The following HSD17B2 variants were observed in gnomAD, a reference collection of about 807,000 sequenced individuals.
HSD17B2 encodes the protein 17-beta-hydroxysteroid dehydrogenase type 2.
HSD17B2 carries 32 observed loss-of-function variants against 26.9 expected under a neutral mutation model. The observed-to-expected ratio is 1.19, with a 90% CI of 0.90 to 1.60. The LOEUF is 1.60. Ranked by LOEUF, HSD17B2 falls within the 40% of genes most tolerant of loss-of-function variation. HSD17B2 has a pLI of 0.00. For synonymous variants in HSD17B2, 246 were observed against 186.7 expected (o/e 1.32, Z -2.59); for missense variants, 613 against 468.6 (o/e 1.31, Z -2.85).
rs1260955734 is a variant in HSD17B2 at position 82,056,843 on chromosome 16, C to T, written c.266-11327C>T. ...AACAGGTGCCTTAGAATCTTATGGA[C>T]GTAGGGTTCAAATGGCACCTCTGCT... On this transcript the variant is annotated intron_variant, in intron 1 of 4. Coordinates refer to ENST00000199936, the MANE Select transcript of HSD17B2 (RefSeq NM_002153.3). Among the ~76,000 whole-genome samples, 4 of 152,128 alleles carry T rather than the reference C, an allele frequency of 2.6e-5. No homozygotes were observed. The East Asian group carries it at 5.8e-4, about 22-fold the overall frequency.
At chr16:82,041,953 A>AT (rs1913777187) in intron 1 of HSD17B2, among the ~76,000 whole-genome samples, 1 of 151,520 alleles carries the variant, frequency 6.6e-6, no homozygotes, top group African/African-American at 2.4e-5. Context: ...TTTAAAAAAA[A>AT]TTTATCATCT....
intron 3 of HSD17B2, among the ~76,000 whole-genome samples, chr16:82,082,915 G>A (rs1036087324): frequency 6.6e-6 from 1 of 152,154 alleles, no homozygotes; most frequent in Non-Finnish European, 1.5e-5. Flanking sequence ...CTGTAAGCTA[G>A]AACTTGAACT....
chr16:82,043,490 C>T (rs1330208195), intron 1 of HSD17B2, among the ~76,000 whole-genome samples: 9 of 143,888 alleles, frequency 6.3e-5, no homozygotes, highest in Non-Finnish European at 1.5e-5. Flanking sequence ...GGAGACTATC[C>T]TGGCTAACAC....
At chr16:82,082,684 T>A (rs1597136779) in intron 3 of HSD17B2, among the ~76,000 whole-genome samples, 1 of 152,192 alleles carries the variant, frequency 6.6e-6, no homozygotes. Flanking sequence ...CCTATGACAG[T>A]TGTGACCATT....
At chr16:82,091,331 A>C in intron 4 of HSD17B2, 2 of 416,624 alleles carry the variant, frequency 4.8e-6, no homozygotes, top group Non-Finnish European at 4.5e-6. Context: ...ACAAGGGTCC[A>C]TCAGTGTCCA....
At chr16:82,049,669 AAG>A (rs1914046605) in intron 1 of HSD17B2, among the ~76,000 whole-genome samples, 1 of 152,238 alleles carries the variant, frequency 6.6e-6, no homozygotes, top group South Asian at 2.1e-4. Context: ...TCCCATAAAC[AAG>A]AGAGTCTTGG....
intron 3 of HSD17B2, among the ~76,000 whole-genome samples, chr16:82,087,921 C>T (rs1175466645): frequency 6.6e-6 from 1 of 152,110 alleles, no homozygotes; most frequent in East Asian, 1.9e-4. Flanking sequence ...TCCATTCACC[C>T]CATCCTCAAC....
At chr16:82,058,110 C>T (rs1337633274) in intron 1 of HSD17B2, among the ~76,000 whole-genome samples, 3 of 145,304 alleles carry the variant, frequency 2.1e-5, no homozygotes, top group Non-Finnish European at 3.0e-5. Context: ...TTTGCTCTGT[C>T]GCCTAGGCTG....
intron 3 of HSD17B2, among the ~76,000 whole-genome samples, chr16:82,075,230 G>A (rs956050907): frequency 1.3e-5 from 2 of 152,092 alleles, no homozygotes; most frequent in Non-Finnish European, 2.9e-5. Context: ...CCGGCTATAA[G>A]TGCCTACATT....
intron 3 of HSD17B2, among the ~76,000 whole-genome samples, chr16:82,084,926 G>A (rs1559429): frequency 1.1e-4 from 16 of 152,058 alleles, no homozygotes; most frequent in Admixed American, 7.2e-4. Context: ...GTCTCACTTT[G>A]TTGCCTAGGA....
chr16:82,088,602 C>A (rs1429536659), intron 3 of HSD17B2, among the ~76,000 whole-genome samples: 1 of 152,198 alleles, frequency 6.6e-6, no homozygotes, highest in African/African-American at 2.4e-5. Flanking sequence ...ACCCCACGAA[C>A]TGGGATTGCC....
intron 1 of HSD17B2, among the ~76,000 whole-genome samples, chr16:82,063,746 T>C (rs1020413351): frequency 6.6e-6 from 1 of 151,726 alleles, no homozygotes; most frequent in African/African-American, 2.4e-5. Context: ...AATCAGACAG[T>C]GGTTGAGGGC....
At chr16:82,073,470 C>T (rs899933344) in intron 3 of HSD17B2, among the ~76,000 whole-genome samples, 6 of 152,126 alleles carry the variant, frequency 3.9e-5, no homozygotes, top group African/African-American at 1.2e-4. Context: ...GTGATCTGCC[C>T]GCCTCAGCCC....
At chr16:82,091,075 C>T in intron 4 of HSD17B2, 36 bp downstream of exon 4, 2 of 1,610,590 alleles carry the variant, frequency 1.2e-6, no homozygotes, top group South Asian at 2.2e-5. Context: ...TGATGTTCAT[C>T]CTGGAAGGAA....
chr16:82,059,205 T>A (rs188110724), intron 1 of HSD17B2, among the ~76,000 whole-genome samples: 1 of 152,244 alleles, frequency 6.6e-6, no homozygotes, highest in African/African-American at 2.4e-5. Flanking sequence ...ATTTATCCAA[T>A]GTGCATCTTC....
At chr16:82,069,704 G>C (rs80160267) in intron 2 of HSD17B2, among the ~76,000 whole-genome samples, 540 of 152,322 alleles carry the variant, frequency 3.5e-3, no homozygotes, top group Non-Finnish European at 5.7e-3. Flanking sequence ...CTGCACATTA[G>C]AATCATTTGA....
intron 1 of HSD17B2, among the ~76,000 whole-genome samples, chr16:82,060,767 A>G (rs1914415448): frequency 6.6e-6 from 1 of 152,174 alleles, no homozygotes; most frequent in African/African-American, 2.4e-5. Context: ...AGTTGAAGAC[A>G]TCATTGGCAA....
intron 1 of HSD17B2, among the ~76,000 whole-genome samples, chr16:82,038,270 A>C (rs1418722880): frequency 1.3e-5 from 2 of 152,246 alleles, no homozygotes; most frequent in African/African-American, 4.8e-5. Context: ...GTTTGAATAC[A>C]TATTTGTCTT....
chr16:82,061,486 C>G (rs759129310), intron 1 of HSD17B2, among the ~76,000 whole-genome samples: 57 of 152,124 alleles, frequency 3.7e-4, no homozygotes, highest in Non-Finnish European at 6.9e-4. Context: ...GGATTTGAAC[C>G]CAGGTCTCCC....
Sources: allele counts gnomAD v4.1 joint callset (sites outside exome capture counted in the v4.1 genomes callset), GRCh38; gene constraint gnomAD v4.1.1; transcripts MANE v1.5; gene names NCBI Gene and HGNC (gene_info 2026-07-23, HGNC 2026-07-21).